Variants in PDE1A observed in about 807,000 individuals in gnomAD.
PDE1A encodes phosphodiesterase 1A.
In PDE1A, 35 loss-of-function variants were observed where a neutral mutation model predicts 61.7. The ratio of observed to expected loss-of-function variants is 0.57; its 90% CI spans 0.43 to 0.75. The LOEUF (loss-of-function observed/expected upper bound fraction) is 0.75. Among genes scored for constraint, PDE1A ranks in the 30% least tolerant of loss-of-function variants. PDE1A has a pLI of 0.00. For missense variants in PDE1A, 597 were observed against 630.6 expected, an observed-to-expected ratio of 0.95 and a Z score of 0.57; for synonymous variants, 232 against 213.2, an observed-to-expected ratio of 1.09 and a Z score of -0.77.
chr2:182,589,521 T>A, the PDE1A span, among the ~76,000 whole-genome samples: 1 of 152,064 alleles, frequency 6.6e-6, no homozygotes, highest in Non-Finnish European at 1.5e-5. Context: ...CACAAAATCA[T>A]CTAAAACAAA....
chr2:182,218,419 T>TA (rs531189742), intron 7 of PDE1A, among the ~76,000 whole-genome samples: 7 of 68,158 alleles, frequency 1.0e-4, no homozygotes, highest in Non-Finnish European at 1.8e-4. Flanking sequence ...TAAAGTATAA[T>TA]AAAAAATTAA....
the PDE1A span, among the ~76,000 whole-genome samples, chr2:182,611,391 G>A: frequency 6.6e-6 from 1 of 152,142 alleles, no homozygotes. Context: ...AAATATATAT[G>A]CCAAAAAGGT....
At chr2:182,671,621 CTTTTTTTTTTTT>C in the PDE1A span, among the ~76,000 whole-genome samples, 1 of 124,312 alleles carries the variant, frequency 8.0e-6, no homozygotes, top group African/African-American at 3.1e-5. Context: ...CTTTCTTTTT[CTTTTTTTTTTTT>C]TTTTTGAGAC....
At chr2:182,593,084 T>C in the PDE1A span, among the ~76,000 whole-genome samples, 1 of 152,190 alleles carries the variant, frequency 6.6e-6, no homozygotes, top group African/African-American at 2.4e-5. Context: ...CACTGATTGC[T>C]TAGGAGACAG....
chr2:182,230,061 T>A, exon 6 of PDE1A: 2 of 1,613,016 alleles, frequency 1.2e-6, no homozygotes, highest in African/African-American at 1.3e-5. Flanking sequence ...ATCAGCTGCA[T>A]GAATCAAATT....
chr2:182,566,190 A>G, the PDE1A span, among the ~76,000 whole-genome samples: 1 of 152,034 alleles, frequency 6.6e-6, no homozygotes, highest in East Asian at 1.9e-4. Context: ...ATGTGTCACA[A>G]CTATGTTCTC....
At chr2:182,518,930 A>G (rs1017273746) in intron 2 of PDE1A, among the ~76,000 whole-genome samples, 5 of 151,894 alleles carry the variant, frequency 3.3e-5, no homozygotes, top group African/African-American at 1.2e-4. Context: ...TGTTTTTTAA[A>G]TGTTTAATTT....
At chr2:182,201,895 A>G (rs1365551763) in intron 8 of PDE1A, 106 bp from the exon 9 acceptor site, 1 of 692,134 alleles carries the variant, frequency 1.4e-6, no homozygotes, top group Non-Finnish European at 2.5e-6. Flanking sequence ...CTTAATGGAT[A>G]TGAACACAAA....
chr2:182,257,894 G>A (rs570962705), intron 2 of PDE1A, among the ~76,000 whole-genome samples: 8 of 152,268 alleles, frequency 5.3e-5, no homozygotes, highest in East Asian at 3.9e-4. Context: ...TCAGCTGGGC[G>A]CGGTGGCTCA....
intron 2 of PDE1A, among the ~76,000 whole-genome samples, chr2:182,442,178 T>C (rs1395566266): frequency 6.6e-6 from 1 of 152,094 alleles, no homozygotes; most frequent in Non-Finnish European, 1.5e-5. Flanking sequence ...CCTGACCCAA[T>C]ATCACAAAAA....
At chr2:182,628,891 C>T in the PDE1A span, among the ~76,000 whole-genome samples, 1 of 152,114 alleles carries the variant, frequency 6.6e-6, no homozygotes, top group Admixed American at 6.6e-5. Flanking sequence ...TTCTTCTAGC[C>T]AACAGAATAT....
At chr2:182,302,445 C>T (rs1453765582) in intron 1 of PDE1A, among the ~76,000 whole-genome samples, 1 of 151,906 alleles carries the variant, frequency 6.6e-6, no homozygotes, top group East Asian at 1.9e-4. Flanking sequence ...AAGTGTGCAA[C>T]AACATTATGC....
chr2:182,644,122 AATGAT>A, the PDE1A span, among the ~76,000 whole-genome samples: 1 of 63,712 alleles, frequency 1.6e-5, no homozygotes, highest in Non-Finnish European at 3.6e-5. Context: ...CTCTCTAATC[AATGAT>A]TACACACACA....
At chr2:182,266,876 C>T (rs1238568047) in intron 1 of PDE1A, among the ~76,000 whole-genome samples, 1 of 152,160 alleles carries the variant, frequency 6.6e-6, no homozygotes. Context: ...GCCTGGATAT[C>T]ATGCTATGGG....
chr2:182,423,590 C>T (rs1471677333), intron 1 of PDE1A, among the ~76,000 whole-genome samples: 1 of 152,184 alleles, frequency 6.6e-6, no homozygotes, highest in African/African-American at 2.4e-5. Context: ...CTCTTGCTCT[C>T]ATATCTTTCA....
At chr2:182,590,379 G>A in the PDE1A span, among the ~76,000 whole-genome samples, 1 of 151,974 alleles carries the variant, frequency 6.6e-6, no homozygotes, top group Non-Finnish European at 1.5e-5. Context: ...GAGGTGGAAG[G>A]ATCTCTTCCA....
chr2:182,194,681 T>C (rs187184857), intron 10 of PDE1A, among the ~76,000 whole-genome samples: 2 of 152,222 alleles, frequency 1.3e-5, no homozygotes, highest in East Asian at 3.9e-4. Context: ...ACTAAAGTAG[T>C]AGCACTAAAG....
At chr2:182,702,645 A>AT in the PDE1A span, among the ~76,000 whole-genome samples, 2 of 152,198 alleles carry the variant, frequency 1.3e-5, no homozygotes, top group African/African-American at 4.8e-5. Context: ...TAAAAAAGGT[A>AT]TTTTGCATAG....
chr2:182,199,881 C>T (rs377402006), intron 10 of PDE1A, among the ~76,000 whole-genome samples: 6 of 151,900 alleles, frequency 3.9e-5, no homozygotes, highest in Non-Finnish European at 8.8e-5. Context: ...GAGACAGAAA[C>T]GTGAGTCATC....
Sources: gnomAD v4.1 joint callset for allele counts (sites outside exome capture counted in the v4.1 genomes callset) on GRCh38, gnomAD v4.1.1 for gene constraint, MANE v1.5 for transcripts, NCBI Gene and HGNC (gene_info 2026-07-23, HGNC 2026-07-21) for gene names.